The following ABLIM1 variants were observed in gnomAD, a reference collection of about 807,000 sequenced individuals.
The protein encoded by ABLIM1 is actin-binding LIM protein 1.
Under a neutral mutation model 107.0 loss-of-function variants are expected in ABLIM1, and 40 were observed. The observed-to-expected ratio is 0.37, with a 90% CI of 0.29 to 0.49. The LOEUF is 0.49. Among genes scored for constraint, ABLIM1 ranks in the 20% least tolerant of loss-of-function variants. ABLIM1 has a pLI of 0.97. For synonymous variants in ABLIM1, 357 were observed against 357.3 expected, an observed-to-expected ratio of 1.00 and a Z score of 0.01; for missense variants, 857 against 1,008.5, an observed-to-expected ratio of 0.85 and a Z score of 2.04.
At position 114,575,321 on chromosome 10, in the gene ABLIM1, C is replaced by T. The variant is rs185368679; in HGVS notation, c.563+95G>A. ...TCTAAGGATAAGAGTATGTGCTACT[C>T]AAGACAAAAGGTGTATAATCCAACC... On this transcript the variant is annotated intron_variant, in intron 3 of 22. Transcript: ENST00000533213. 6.5e-4 allele frequency: 905 copies of T among 1,394,662 alleles called. 2 individuals are homozygous for T. Among genetic ancestry groups the T allele is most frequent in the Non-Finnish European group, 8.2e-4 (835 of 1,012,984 alleles). The allele number at this position is 1,394,662 out of a possible 1,614,324, so 86.4% of individuals were successfully genotyped here.
intron 1 of ABLIM1, among the ~76,000 whole-genome samples, chr10:114,613,313 C>T (rs2076934667): frequency 6.6e-6 from 1 of 152,194 alleles, no homozygotes; most frequent in Non-Finnish European, 1.5e-5. Context: ...TTCACCCCTG[C>T]AGTGGGGAGC....
intron 1 of ABLIM1, among the ~76,000 whole-genome samples, chr10:114,727,554 G>A (rs1454460503): frequency 6.6e-6 from 1 of 152,128 alleles, no homozygotes; most frequent in African/African-American, 2.4e-5. Context: ...ACTTTTAGAA[G>A]AGAATACAGA....
At chr10:114,472,729 C>T (rs537985149) in intron 10 of ABLIM1, among the ~76,000 whole-genome samples, 147 of 151,958 alleles carry the variant, frequency 9.7e-4, no homozygotes, top group Non-Finnish European at 6.2e-4. Context: ...CCCCACCTCC[C>T]GACAGCTTCC....
chr10:114,513,612 T>C (rs1453984004), intron 6 of ABLIM1, among the ~76,000 whole-genome samples: 1 of 152,154 alleles, frequency 6.6e-6, no homozygotes, highest in Non-Finnish European at 1.5e-5. Context: ...CCCAACTTGG[T>C]CTGTGTGCTG....
intron 20 of ABLIM1, 142 bp downstream of exon 20, chr10:114,439,940 C>A: frequency 7.0e-7 from 1 of 1,422,288 alleles, no homozygotes. Flanking sequence ...CTGCTCTTCA[C>A]GGCTATAGAG....
At chr10:114,638,476 T>C (rs2078584762) in intron 1 of ABLIM1, among the ~76,000 whole-genome samples, 1 of 152,194 alleles carries the variant, frequency 6.6e-6, no homozygotes, top group African/African-American at 2.4e-5. Context: ...CTTGTCCTCA[T>C]AACAACTGGA....
At chr10:114,684,284 TCTA>T in intron 1 of ABLIM1, 2 of 1,613,220 alleles carry the variant, frequency 1.2e-6, no homozygotes, top group Non-Finnish European at 1.7e-6. Flanking sequence ...AAATGGACGG[TCTA>T]ACCTTTGTAG....
chr10:114,435,947 A>G lies in ABLIM1; in HGVS notation c.*313T>C, dbSNP rs987122540. The G allele has an allele frequency of 6.6e-5, 15 of 227,448 alleles. No individual in the cohort carries two copies. Among genetic ancestry groups the G allele is most frequent in the Non-Finnish European group, 1.1e-4 (13 of 115,590 alleles). 14.1% of individuals were successfully genotyped at this position (227,448 alleles called of 1,614,324 possible). On this transcript the variant is annotated 3_prime_UTR_variant, in exon 23 of 23. Transcript: ENST00000533213. Reference sequence around the variant, plus strand: ...CGGACAGTCAGCACTGTTGTTGGACAACAGATAAAGGAAAAGAAAAAGAAG... The same window carrying G: ...CGGACAGTCAGCACTGTTGTTGGACGACAGATAAAGGAAAAGAAAAAGAAG...
chr10:114,691,034 T>C (rs1311343743), intron 1 of ABLIM1, among the ~76,000 whole-genome samples: 3 of 152,224 alleles, frequency 2.0e-5, no homozygotes, highest in East Asian at 3.8e-4. Context: ...ATTTCTGACA[T>C]GCATCTTTCA....
intron 1 of ABLIM1, among the ~76,000 whole-genome samples, chr10:114,648,603 G>C (rs1050832759): frequency 1.3e-5 from 2 of 152,232 alleles, no homozygotes; most frequent in Non-Finnish European, 2.9e-5. Flanking sequence ...GAATTAGATA[G>C]TGGGATGGTT....
At chr10:114,653,673 C>A (rs770678349) in intron 1 of ABLIM1, among the ~76,000 whole-genome samples, 1 of 152,172 alleles carries the variant, frequency 6.6e-6, no homozygotes, top group African/African-American at 2.4e-5. Context: ...CTGTTTCGTA[C>A]GTTTACTGAT....
chr10:114,771,309 G>A (rs1271376709), upstream of ABLIM1, among the ~76,000 whole-genome samples: 1 of 152,140 alleles, frequency 6.6e-6, no homozygotes, highest in Non-Finnish European at 1.5e-5. Context: ...ACTCCTAGAT[G>A]TAAGTCTCAA....
In ABLIM1 at chr10:114,658,159, G is replaced by T; in HGVS notation, c.42C>A (p.Cys14Ter). Reference sequence around the variant, plus strand: ...AGGTGACTTTGCTTTTCTCAGAGCTGCACAATTTCCCCAGACACTTTAGAC... The same window carrying T: ...AGGTGACTTTGCTTTTCTCAGAGCTTCACAATTTCCCCAGACACTTTAGAC... ...FLGLKCLGKL[C>*]SSEKSKVTSS... The change falls in exon 1 of 23, where the codon TGC becomes TGA. Residue 14 changes from cysteine (C) to a stop codon, truncating the protein, a stop_gained. Coordinates refer to ENST00000533213, the MANE Select transcript of ABLIM1 (RefSeq NM_002313.7). LOFTEE classifies it high-confidence loss of function. The T allele has an allele frequency of 6.2e-7, 1 of 1,613,702 alleles. No individual in the cohort carries two copies. Among genetic ancestry groups the T allele is most frequent in the Non-Finnish European group, 8.5e-7 (1 of 1,179,674 alleles).
intron 12 of ABLIM1, among the ~76,000 whole-genome samples, chr10:114,461,066 CTTTT>C (rs934599652): frequency 9.9e-5 from 15 of 151,170 alleles, no homozygotes; most frequent in African/African-American, 3.2e-4. Flanking sequence ...TGTTTTCTTT[CTTTT>C]GTTTTTTTTT....
rs1248763477 is a variant in ABLIM1 at position 114,439,188 on chromosome 10, C to G, written c.2130G>C (p.Met710Ile). 1.2e-6 allele frequency: 2 copies of G among 1,614,248 alleles called. No individual in the cohort carries two copies. The highest frequency in any genetic ancestry group is 1.7e-6 in the Non-Finnish European group (2 of 1,180,046). The change falls in exon 21 of 23, where the codon ATG becomes ATC. Residue 710 changes from methionine to isoleucine, a missense_variant. Transcript: ENST00000533213. ...RMDRGVSMPN[M>I]LEPKIFPYEM... ...CAGCTGCACTTGCCTTTGGTTCCAA[C>G]ATGTTGGGCATAGACACTCCTCGGT...
chr10:114,706,303 C>A (rs2141899351), intron 1 of ABLIM1, among the ~76,000 whole-genome samples: 1 of 152,322 alleles, frequency 6.6e-6, no homozygotes, highest in African/African-American at 2.4e-5. Context: ...TCACGACGTT[C>A]ATTTTATCAC....
intron 19 of ABLIM1, chr10:114,440,724 G>A (rs1260208196): frequency 1.0e-5 from 5 of 494,026 alleles, no homozygotes; most frequent in Non-Finnish European, 1.5e-5. Flanking sequence ...GCCTCCCAAA[G>A]TGTTGGGATT....
Position 114,635,973 on chromosome 10 carries a change from G to C in ABLIM1, c.244+21984C>G, listed in dbSNP as rs573306672. ...GAGATTTATGGGACACCTGCTGCGT[G>C]CCAGGTACTGGGCTGGGTATACAAA... is the stretch of plus-strand genomic sequence containing the variant. On this transcript the variant is annotated intron_variant, in intron 1 of 22. Transcript: ENST00000533213. Among the ~76,000 whole-genome samples, 12 of 152,348 alleles carry C rather than the reference G, an allele frequency of 7.9e-5. No homozygotes were observed. The South Asian group carries it at 2.5e-3, about 32-fold the overall frequency.
intron 2 of ABLIM1, among the ~76,000 whole-genome samples, chr10:114,588,585 C>A (rs1008388291): frequency 6.8e-6 from 1 of 146,392 alleles, no homozygotes; most frequent in African/African-American, 2.5e-5. Context: ...ACCTCTACCT[C>A]CACAGTTCAA....
Sources: allele counts gnomAD v4.1 joint callset (sites outside exome capture counted in the v4.1 genomes callset), GRCh38; gene constraint gnomAD v4.1.1; transcripts MANE v1.5; gene names NCBI Gene and HGNC (gene_info 2026-07-23, HGNC 2026-07-21).